Variants in GALNT18 observed in about 807,000 individuals in gnomAD.
GALNT18 encodes the protein GalNAc-transferase 18.
GALNT18 carries 44 observed loss-of-function variants against 69.5 expected under a neutral mutation model. That is an observed-to-expected ratio of 0.63 (90% confidence interval 0.50 to 0.81). GALNT18 has a LOEUF of 0.81. GALNT18 is among the 40% of genes least tolerant of loss of function. GALNT18 has a pLI of 0.00. For missense variants in GALNT18, 715 were observed against 810.0 expected (o/e 0.88, Z 1.42); for synonymous variants, 364 against 318.2 (o/e 1.14, Z -1.53).
chr11:11,560,123 A>AGGGGGTGGAATAGAAAGAGATATGG, intron 1 of GALNT18, among the ~76,000 whole-genome samples: 1 of 150,546 alleles, frequency 6.6e-6, no homozygotes, highest in Middle Eastern at 3.6e-3. Flanking sequence ...ATACAATGGG[A>AGGGGGTGGAATAGAAAGAGATATGG]TGGGATGGGA....
chr11:11,575,505 G>A (rs78703689), intron 1 of GALNT18, among the ~76,000 whole-genome samples: 39,459 of 152,148 alleles, frequency 0.26, 6,777 homozygotes, highest in African/African-American at 0.49. Context: ...GAGCCTGCAG[G>A]TTCTGGGCCC....
At chr11:11,474,218 T>C (rs892578431) in intron 1 of GALNT18, among the ~76,000 whole-genome samples, 12 of 152,124 alleles carry the variant, frequency 7.9e-5, no homozygotes, top group Non-Finnish European at 1.3e-4. Context: ...ACACAGGTCA[T>C]AGGAAGGACC....
chr11:11,285,608 C>T (rs1382731476), intron 10 of GALNT18, among the ~76,000 whole-genome samples: 1 of 152,208 alleles, frequency 6.6e-6, no homozygotes, highest in East Asian at 1.9e-4. Flanking sequence ...TCCCTCAAAA[C>T]TGGACAGTTC....
intron 6 of GALNT18, among the ~76,000 whole-genome samples, chr11:11,371,135 G>A (rs1052972074): frequency 6.6e-6 from 1 of 152,160 alleles, no homozygotes; most frequent in African/African-American, 2.4e-5. Flanking sequence ...TTCTAAGCTC[G>A]GCTTCAGACA....
At position 11,421,753 on chromosome 11, in the gene GALNT18, T is replaced by TCTCTGCAGAGTCTCTGCAGAGA. The variant is rs1221291230; in HGVS notation, c.595+10867_595+10868insTCTCTGCAGAGACTCTGCAGAG. On this transcript the variant is annotated intron_variant, in intron 3 of 10. Transcript: ENST00000227756. The surrounding 1 kb of genome is among the most constrained non-coding windows in gnomAD (Gnocchi z 5.6). ...ACTTCTCTGCAGAGTCTCTGCAGAGTCTCTGCAGAGGTCAGGACTGGCCAC... is the reference window on the plus strand; with the variant it reads ...ACTTCTCTGCAGAGTCTCTGCAGAGTCTCTGCAGAGTCTCTGCAGAGACTCTGCAGAGGTCAGGACTGGCCAC... 7.9e-5 allele frequency among the ~76,000 whole-genome samples: 12 copies of TCTCTGCAGAGTCTCTGCAGAGA among 151,700 alleles called. No individual in the cohort carries two copies. Among genetic ancestry groups the TCTCTGCAGAGTCTCTGCAGAGA allele is most frequent in the African/African-American group, 2.7e-4 (11 of 41,224 alleles).
At chr11:11,279,156 A>T (rs982340303) in intron 10 of GALNT18, among the ~76,000 whole-genome samples, 1 of 151,322 alleles carries the variant, frequency 6.6e-6, no homozygotes, top group Non-Finnish European at 1.5e-5. Flanking sequence ...TCCTCTCACC[A>T]CTCTCTCTCC....
intron 1 of GALNT18, among the ~76,000 whole-genome samples, chr11:11,558,891 G>A (rs1430356400): frequency 6.6e-6 from 1 of 152,204 alleles, no homozygotes; most frequent in Admixed American, 6.5e-5. Flanking sequence ...CTCAAGGGCA[G>A]CACCACTTCT....
At chr11:11,576,444 G>C (rs1240559604) in intron 1 of GALNT18, among the ~76,000 whole-genome samples, 1 of 152,240 alleles carries the variant, frequency 6.6e-6, no homozygotes, top group Non-Finnish European at 1.5e-5. Flanking sequence ...GAGGACAGTG[G>C]GGTTGGAGCA....
chr11:11,486,225 C>G (rs1170694256), intron 1 of GALNT18, among the ~76,000 whole-genome samples: 1 of 152,224 alleles, frequency 6.6e-6, no homozygotes, highest in Non-Finnish European at 1.5e-5. Flanking sequence ...GTACCTCCCG[C>G]CCTACTTGCC....
intron 1 of GALNT18, among the ~76,000 whole-genome samples, chr11:11,510,878 C>T (rs1031593950): frequency 3.9e-5 from 6 of 152,212 alleles, no homozygotes; most frequent in Admixed American, 6.5e-5. Flanking sequence ...TATATGCATT[C>T]GCTGAGCTCC....
rs1258118909 is a variant in GALNT18 at position 11,590,983 on chromosome 11, AT to A, written c.235+30375del. ...TTTTAGAATATATTCCTTCTACTTA[AT>A]TTTTTTTAAGTTAACTGTAAGACAG... On this transcript the variant is annotated intron_variant, in intron 1 of 10. Coordinates refer to ENST00000227756, the MANE Select transcript of GALNT18 (RefSeq NM_198516.3). This position sits in a 1 kb window ranked among gnomAD's most constrained non-coding sequence, Gnocchi z 4.4. Among the ~76,000 whole-genome samples the A allele has an allele frequency of 6.6e-5, 10 of 152,058 alleles. No individual in the cohort carries two copies. The highest frequency in any genetic ancestry group is 1.3e-4 in the Non-Finnish European group (9 of 67,966).
chr11:11,550,774 G>A (rs1300820144), intron 1 of GALNT18, among the ~76,000 whole-genome samples: 1 of 152,338 alleles, frequency 6.6e-6, no homozygotes, highest in East Asian at 1.9e-4. Flanking sequence ...AATGTGGCTA[G>A]TGCAACAGAG....
At chr11:11,548,909 T>C (rs1858127327) in intron 1 of GALNT18, among the ~76,000 whole-genome samples, 2 of 152,228 alleles carry the variant, frequency 1.3e-5, no homozygotes, top group Non-Finnish European at 2.9e-5. Flanking sequence ...CTCATACTAA[T>C]GTACTTTATA....
In GALNT18 at chr11:11,293,010, C is replaced by T. The variant is rs757445547; in HGVS notation, c.1677+19G>A. On this transcript the variant is annotated intron_variant, in intron 10 of 10. Coordinates refer to ENST00000227756, the MANE Select transcript of GALNT18 (RefSeq NM_198516.3). ...TTTCCACGATGGCTGCCACTGTGCC[C>T]GGGCTCTGGGGCTGTTACCTGAGAG... The T allele has an allele frequency of 4.1e-5, 55 of 1,351,508 alleles. No individual in the cohort carries two copies. The Admixed American group carries it at 7.8e-4, about 19-fold the overall frequency. The allele number at this position is 1,351,508 out of a possible 1,614,324, so 83.7% of individuals were successfully genotyped here. A position where few individuals can be genotyped will look rare whatever the true frequency, so the allele number is the denominator to read the frequency against.
intron 1 of GALNT18, among the ~76,000 whole-genome samples, chr11:11,569,683 A>G (rs571790495): frequency 7.2e-5 from 11 of 152,266 alleles, no homozygotes; most frequent in East Asian, 3.9e-4. Flanking sequence ...ACAATACCCA[A>G]TGTGACAGGA....
Position 11,616,816 on chromosome 11 carries a change from C to T in GALNT18, c.235+4543G>A, listed in dbSNP as rs78708255. ...TCACTGTAACGGCATAACCTAATCA[C>T]GTATTATATAAACCAATGAAATATG... On this transcript the variant is annotated intron_variant, in intron 1 of 10. Transcript: ENST00000227756. This position sits in a 1 kb window ranked among gnomAD's most constrained non-coding sequence, Gnocchi z 4.4. 3.2e-4 allele frequency among the ~76,000 whole-genome samples: 48 copies of T among 152,266 alleles called. 1 individual carries two copies. The East Asian group carries it at 9.1e-3, about 29-fold the overall frequency.
chr11:11,297,664 C>T (rs1056985086), intron 9 of GALNT18, among the ~76,000 whole-genome samples: 17 of 152,164 alleles, frequency 1.1e-4, no homozygotes, highest in Admixed American at 9.2e-4. Flanking sequence ...CTACAAAGTT[C>T]TGAGACAGCA....
intron 3 of GALNT18, among the ~76,000 whole-genome samples, chr11:11,422,024 T>A (rs544223454): frequency 6.2e-4 from 93 of 150,690 alleles, no homozygotes; most frequent in Non-Finnish European, 4.1e-4. Flanking sequence ...GTCAGATATC[T>A]ATATCATCTA....
At chr11:11,407,331 C>T (rs904378066) in intron 3 of GALNT18, among the ~76,000 whole-genome samples, 6 of 152,200 alleles carry the variant, frequency 3.9e-5, no homozygotes, top group Admixed American at 6.5e-5. Flanking sequence ...TCGCTGAAAG[C>T]ACCCTCCAAT....
Sources: gnomAD v4.1 joint callset for allele counts (sites outside exome capture counted in the v4.1 genomes callset) on GRCh38, gnomAD v4.1.1 for gene constraint, Gnocchi (gnomAD v3.1) non-coding constraint, MANE v1.5 for transcripts, NCBI Gene and HGNC (gene_info 2026-07-23, HGNC 2026-07-21) for gene names.